Variants in KCND2 observed in about 807,000 individuals in gnomAD.
The protein encoded by KCND2 is potassium voltage-gated channel subfamily D member 2.
A neutral mutation model predicts 54.4 loss-of-function variants in KCND2; 16 were observed. The ratio of observed to expected loss-of-function variants is 0.29; its 90% CI spans 0.20 to 0.45. KCND2 has a LOEUF of 0.45. KCND2 is among the 20% of genes least tolerant of loss of function. The pLI, the probability that KCND2 is intolerant of heterozygous loss-of-function variation, is 1.00. For synonymous variants in KCND2, 317 were observed against 310.7 expected (o/e 1.02, Z -0.21); for missense variants, 486 against 824.2 (o/e 0.59, Z 5.02).
chr7:120,457,818 T>C (rs1162814702), intron 1 of KCND2, among the ~76,000 whole-genome samples: 2 of 152,164 alleles, frequency 1.3e-5, no homozygotes, highest in Non-Finnish European at 2.9e-5. Flanking sequence ...AGTGCCCCAA[T>C]CTCTGTGGTA....
At chr7:120,407,177 A>G (rs1450420538) in intron 1 of KCND2, among the ~76,000 whole-genome samples, 2 of 152,038 alleles carry the variant, frequency 1.3e-5, no homozygotes, top group African/African-American at 4.8e-5. Context: ...TTGAATGTGA[A>G]ATGTTTTTCC....
At chr7:120,675,855 C>CTTTTTT (rs58226731) in intron 1 of KCND2, among the ~76,000 whole-genome samples, 11 of 121,546 alleles carry the variant, frequency 9.1e-5, no homozygotes, top group Non-Finnish European at 1.7e-4. Context: ...TCTTTCTATT[C>CTTTTTT]TTTTTTTTTT....
intron 1 of KCND2, among the ~76,000 whole-genome samples, chr7:120,517,042 T>A (rs951980305): frequency 6.6e-6 from 1 of 152,184 alleles, no homozygotes; most frequent in Non-Finnish European, 1.5e-5. Flanking sequence ...ATGTTCAGCA[T>A]GTCAAGTTCT....
At chr7:120,313,568 G>C (rs551127648) in intron 1 of KCND2, among the ~76,000 whole-genome samples, 5 of 152,056 alleles carry the variant, frequency 3.3e-5, no homozygotes, top group Middle Eastern at 6.8e-3. Context: ...GTAGCAGAAA[G>C]ATCTGAATGG....
chr7:120,695,079 G>T (rs953814813), intron 1 of KCND2, among the ~76,000 whole-genome samples: 1 of 152,052 alleles, frequency 6.6e-6, no homozygotes, highest in Admixed American at 6.6e-5. Flanking sequence ...TTCCTTAGGG[G>T]TATAGTTCTT....
intron 1 of KCND2, among the ~76,000 whole-genome samples, chr7:120,481,416 T>C (rs977499376): frequency 1.3e-5 from 2 of 152,150 alleles, no homozygotes; most frequent in African/African-American, 2.4e-5. Context: ...GGCCTGGCCA[T>C]GTAAAGAATG....
At chr7:120,646,874 C>T (rs931342267) in intron 1 of KCND2, among the ~76,000 whole-genome samples, 4 of 152,132 alleles carry the variant, frequency 2.6e-5, no homozygotes, top group Non-Finnish European at 4.4e-5. Context: ...TAAATCTTCT[C>T]CCTTGGTTTT....
chr7:120,747,717 TAA>T lies in KCND2; in HGVS notation c.1754_1755del (p.Lys585ThrfsTer4). The T allele has an allele frequency of 1.2e-6, 2 of 1,612,776 alleles. No individual in the cohort carries two copies. Among genetic ancestry groups the T allele is most frequent in the Non-Finnish European group, 1.7e-6 (2 of 1,179,068 alleles). On this transcript the variant is annotated frameshift_variant, in exon 6 of 6. Transcript: ENST00000331113. LOFTEE classifies it high-confidence loss of function. ...TAAATGCCAAAATGGAAGAGTGTGT[TAA>T]ACTAAACTGTGAACAACCTTATGTG... is the stretch of plus-strand genomic sequence containing the variant. Reference protein sequence around the residue: ...SLNAKMEECVKLNCEQPYVTT... With the variant: ...SLNAKMEECVXLNCEQPYVTT...
chr7:120,740,731 G>GAC (rs906885978), intron 2 of KCND2: 92 of 401,658 alleles, frequency 2.3e-4, no homozygotes, highest in African/African-American at 1.7e-3. Flanking sequence ...ATTCTCTACA[G>GAC]ACACACACAC....
In KCND2 at chr7:120,624,520, C is replaced by G. The variant is rs191401152; in HGVS notation, c.1116-108383C>G. ...GGTGGGCTGGGCATGGTGGCTCAAACTTATAATCTCAGCATTTGAGGGACC... is the reference window on the plus strand; with the variant it reads ...GGTGGGCTGGGCATGGTGGCTCAAAGTTATAATCTCAGCATTTGAGGGACC... On this transcript the variant is annotated intron_variant, in intron 1 of 5. Coordinates refer to ENST00000331113, the MANE Select transcript of KCND2 (RefSeq NM_012281.3). Among the ~76,000 whole-genome samples, 333 of 152,194 alleles carry G rather than the reference C, an allele frequency of 2.2e-3. 2 individuals carry two copies. The highest frequency in any genetic ancestry group is 7.8e-3 in the African/African-American group (322 of 41,526).
intron 1 of KCND2, among the ~76,000 whole-genome samples, chr7:120,681,500 C>T (rs1300672464): frequency 6.6e-6 from 1 of 151,892 alleles, no homozygotes; most frequent in Non-Finnish European, 1.5e-5. Context: ...GATAGAAATA[C>T]TTAAAATGTG....
chr7:120,704,234 A>G (rs17142915), intron 1 of KCND2, among the ~76,000 whole-genome samples: 58,359 of 152,048 alleles, frequency 0.38, 12,663 homozygotes, highest in African/African-American at 0.58. Context: ...ATCAACCATA[A>G]CGTAGCCAAG....
chr7:120,639,214 A>G lies in KCND2; in HGVS notation c.1116-93689A>G, dbSNP rs568603778. ...CAGTAGAAGATAGAAAATTCTATCA[A>G]TTTTTCTGACTTTATTCACACAGTA... On this transcript the variant is annotated intron_variant, in intron 1 of 5. Transcript: ENST00000331113. 1.7e-4 allele frequency among the ~76,000 whole-genome samples: 26 copies of G among 152,264 alleles called. No individual in the cohort carries two copies. The South Asian group carries it at 3.9e-3, about 23-fold the overall frequency.
intron 1 of KCND2, among the ~76,000 whole-genome samples, chr7:120,503,385 T>TGAGAGAGAGAGA (rs58222636): frequency 0.11 from 15,742 of 146,476 alleles, 1,206 homozygotes; most frequent in East Asian, 0.41. Context: ...GTCTCTAGAG[T>TGAGAGAGAGAGA]GAGAGAGAGA....
At chr7:120,405,024 T>C (rs759876891) in intron 1 of KCND2, among the ~76,000 whole-genome samples, 2 of 152,162 alleles carry the variant, frequency 1.3e-5, no homozygotes, top group Non-Finnish European at 2.9e-5. Flanking sequence ...GTCTGGATGC[T>C]GTTGTTTATT....
intron 1 of KCND2, among the ~76,000 whole-genome samples, chr7:120,463,419 G>A (rs1483730586): frequency 7.3e-6 from 1 of 137,290 alleles, no homozygotes; most frequent in Non-Finnish European, 1.5e-5. Flanking sequence ...ATTAACTTTT[G>A]CAAACTAATT....
intron 1 of KCND2, among the ~76,000 whole-genome samples, chr7:120,536,403 C>T (rs544392423): frequency 4.6e-4 from 70 of 152,072 alleles, no homozygotes; most frequent in South Asian, 2.5e-3. Flanking sequence ...CTTAGAATAA[C>T]GCAGCAATGA....
chr7:120,550,876 T>G (rs1264143490), intron 1 of KCND2, among the ~76,000 whole-genome samples: 1 of 152,224 alleles, frequency 6.6e-6, no homozygotes, highest in Non-Finnish European at 1.5e-5. Context: ...ATAGCACTTC[T>G]CAAATGGAAA....
chr7:120,380,076 T>C (rs1198823908), intron 1 of KCND2, among the ~76,000 whole-genome samples: 1 of 152,010 alleles, frequency 6.6e-6, no homozygotes, highest in African/African-American at 2.4e-5. Flanking sequence ...TACACGAAAA[T>C]ATGAATTTAT....
Sources: gnomAD v4.1 joint callset for allele counts (sites outside exome capture counted in the v4.1 genomes callset) on GRCh38, gnomAD v4.1.1 for gene constraint, MANE v1.5 for transcripts, NCBI Gene and HGNC (gene_info 2026-07-23, HGNC 2026-07-21) for gene names.